ASH1L: variants seen among roughly 807,000 people sequenced by gnomAD.
ASH1L encodes the protein ASH1 like histone lysine methyltransferase.
A neutral mutation model predicts 269.0 loss-of-function variants in ASH1L; 23 were observed. The ratio of observed to expected loss-of-function variants is 0.09; its 90% CI spans 0.06 to 0.12. ASH1L has a LOEUF of 0.12. Ranked by LOEUF, ASH1L falls within the 10% of genes least tolerant of loss-of-function variation. ASH1L has a pLI of 1.00. For missense variants in ASH1L, 2,912 were observed against 3,567.8 expected, an observed-to-expected ratio of 0.82 and a Z score of 4.68; for synonymous variants, 1,187 against 1,253.5, an observed-to-expected ratio of 0.95 and a Z score of 1.12.
intron 5 of ASH1L, among the ~76,000 whole-genome samples, chr1:155,426,066 T>C (rs1661133277): frequency 6.6e-6 from 1 of 151,322 alleles, no homozygotes; most frequent in African/African-American, 2.4e-5. Context: ...TTTTATTTAT[T>C]TATTTATTTA....
chr1:155,372,642 C>T (rs1656070539), intron 10 of ASH1L, among the ~76,000 whole-genome samples: 1 of 150,204 alleles, frequency 6.7e-6, no homozygotes, highest in Admixed American at 6.6e-5. Context: ...GGGAAGTCTC[C>T]CTCTGTCACC....
At chr1:155,470,014 T>C (rs1025687451) in intron 3 of ASH1L, among the ~76,000 whole-genome samples, 1 of 152,190 alleles carries the variant, frequency 6.6e-6, no homozygotes, top group African/African-American at 2.4e-5. Context: ...CACATCCCCA[T>C]GCCCTTGCAA....
intron 1 of ASH1L, among the ~76,000 whole-genome samples, chr1:155,557,573 C>T (rs1003878294): frequency 6.6e-6 from 1 of 152,060 alleles, no homozygotes; most frequent in Non-Finnish European, 1.5e-5. Context: ...AGCCACCACG[C>T]CCGGCCTAGA....
At chr1:155,554,696 A>AAAAAAC (rs993609102) in intron 1 of ASH1L, among the ~76,000 whole-genome samples, 2 of 152,212 alleles carry the variant, frequency 1.3e-5, no homozygotes, top group African/African-American at 4.8e-5. Flanking sequence ...TCTGAGATTT[A>AAAAAAC]AAAAACAAAA....
chr1:155,538,527 T>G (rs1670209659), intron 1 of ASH1L, among the ~76,000 whole-genome samples: 1 of 151,884 alleles, frequency 6.6e-6, no homozygotes, highest in African/African-American at 2.4e-5. Flanking sequence ...CCGGCTAATT[T>G]TTTATATTTT....
chr1:155,341,458 G>C (rs1025051102), intron 25 of ASH1L, among the ~76,000 whole-genome samples: 1 of 152,194 alleles, frequency 6.6e-6, no homozygotes, highest in Admixed American at 6.5e-5. Context: ...TTACAGGCGT[G>C]AGCCACCGCG....
intron 2 of ASH1L, among the ~76,000 whole-genome samples, chr1:155,491,466 C>G (rs192227534): frequency 2.0e-5 from 3 of 152,062 alleles, no homozygotes; most frequent in Admixed American, 2.0e-4. Flanking sequence ...TTCCTTACAA[C>G]CACCATATAG....
chr1:155,535,188 TAAAA>T, intron 1 of ASH1L, among the ~76,000 whole-genome samples: 1 of 137,598 alleles, frequency 7.3e-6, no homozygotes, highest in East Asian at 2.1e-4. Context: ...AAACTCCATT[TAAAA>T]AAAAAAAAAA....
rs538581491 is a variant in ASH1L at position 155,416,648 on chromosome 1, G to C, written c.5829-725C>G. Among the ~76,000 whole-genome samples, 501 of 151,400 alleles carry C rather than the reference G, an allele frequency of 3.3e-3. 3 individuals carry two copies. Among genetic ancestry groups the C allele is most frequent in the African/African-American group, 0.012 (484 of 41,272 alleles). On this transcript the variant is annotated intron_variant, in intron 5 of 27. Coordinates refer to ENST00000392403, the MANE Select transcript of ASH1L (RefSeq NM_018489.3). ...CTTCCTGGGTTGAAGCGATTCTCCT[G>C]CCTCAGCCTCCTGAATAGCTGGGAT...
chr1:155,562,576 TCCGTCCGCGTAGCGCGCACGCCCGC>T lies in ASH1L; in HGVS notation c.-548_-524del, dbSNP rs780271598. 9.4e-5 allele frequency: 143 copies of T among 1,529,322 alleles called. 2 individuals carry two copies. The Middle Eastern group carries it at 1.2e-3, about 13-fold the overall frequency. The allele number at this position is 1,529,322 out of a possible 1,614,324, so 94.7% of individuals were successfully genotyped here. ...CCCACCGTCCCCCGCTCCGCCCGAC[TCCGTCCGCGTAGCGCGCACGCCCGC>T]CCGCACGCGTACGAGTGTCTACGGG... On this transcript the variant is annotated 5_prime_UTR_variant, in exon 1 of 28. Coordinates refer to ENST00000392403, the MANE Select transcript of ASH1L (RefSeq NM_018489.3).
intron 12 of ASH1L, among the ~76,000 whole-genome samples, chr1:155,362,485 C>T (rs1158719594): frequency 6.6e-6 from 1 of 151,642 alleles, no homozygotes; most frequent in Non-Finnish European, 1.5e-5. Context: ...ATTTCATCCT[C>T]CTAACAATTA....
chr1:155,348,636 C>T (rs1653579477), intron 19 of ASH1L, among the ~76,000 whole-genome samples: 1 of 152,090 alleles, frequency 6.6e-6, no homozygotes, highest in Admixed American at 6.6e-5. Flanking sequence ...AATCCCAACA[C>T]TCTGGGAGGC....
At chr1:155,535,745 A>G (rs1670008597) in intron 1 of ASH1L, among the ~76,000 whole-genome samples, 1 of 152,180 alleles carries the variant, frequency 6.6e-6, no homozygotes, top group African/African-American at 2.4e-5. Context: ...CTGTAATCCC[A>G]GCACTTGGGA....
chr1:155,388,707 T>C (rs1457172001), intron 7 of ASH1L, among the ~76,000 whole-genome samples: 2 of 131,608 alleles, frequency 1.5e-5, no homozygotes, highest in Non-Finnish European at 3.2e-5. Context: ...GTGTCCTGAA[T>C]TGCGATTCTT....
chr1:155,432,788 T>G (rs903126155), intron 5 of ASH1L, among the ~76,000 whole-genome samples: 1 of 152,156 alleles, frequency 6.6e-6, no homozygotes. Context: ...CAGGTTGGAG[T>G]GCAGTGGTAC....
chr1:155,515,865 CA>C (rs1668470983), intron 2 of ASH1L, among the ~76,000 whole-genome samples: 2 of 149,538 alleles, frequency 1.3e-5, no homozygotes, highest in Non-Finnish European at 3.0e-5. Flanking sequence ...ATGCATGGCC[CA>C]AAACTGCAAT....
intron 6 of ASH1L, among the ~76,000 whole-genome samples, chr1:155,407,657 C>T (rs1659408384): frequency 6.6e-6 from 1 of 152,008 alleles, no homozygotes. Flanking sequence ...AAAGCAGAAA[C>T]AACCCAAATG....
At chr1:155,550,497 TCCC>T (rs1353795193) in intron 1 of ASH1L, among the ~76,000 whole-genome samples, 2 of 152,140 alleles carry the variant, frequency 1.3e-5, no homozygotes, top group South Asian at 2.1e-4. Flanking sequence ...CTATCACTAT[TCCC>T]CCCTTTACTG....
intron 10 of ASH1L, among the ~76,000 whole-genome samples, chr1:155,375,391 A>G (rs1318506638): frequency 6.6e-6 from 1 of 152,196 alleles, no homozygotes; most frequent in Non-Finnish European, 1.5e-5. Flanking sequence ...TGGAAACCAA[A>G]CTAAATTTAC....
Sources: gnomAD v4.1 joint callset for allele counts (sites outside exome capture counted in the v4.1 genomes callset) on GRCh38, gnomAD v4.1.1 for gene constraint, MANE v1.5 for transcripts, NCBI Gene and HGNC (gene_info 2026-07-23, HGNC 2026-07-21) for gene names.